Variants in SGCZ observed in about 807,000 individuals in gnomAD.
The protein encoded by SGCZ is zeta-sarcoglycan.
Under a neutral mutation model 41.3 loss-of-function variants are expected in SGCZ, and 40 were observed. The observed-to-expected ratio is 0.97, with a 90% confidence interval of 0.75 to 1.26. The LOEUF is 1.26. Ranked by LOEUF, SGCZ falls within the 50% of genes most tolerant of loss-of-function variation. The pLI, the probability that SGCZ is intolerant of heterozygous loss-of-function variation, is 0.00. For synonymous variants in SGCZ, 206 were observed against 137.5 expected (o/e 1.50, Z -3.49); for missense variants, 552 against 369.8 (o/e 1.49, Z -4.04).
At chr8:14,833,697 T>C (rs1802604548) in intron 1 of SGCZ, among the ~76,000 whole-genome samples, 1 of 152,206 alleles carries the variant, frequency 6.6e-6, no homozygotes, top group Non-Finnish European at 1.5e-5. Flanking sequence ...CTTTCTATTT[T>C]TCTGCTATAG....
At chr8:14,423,824 TTCTC>T (rs1466787505) in intron 2 of SGCZ, among the ~76,000 whole-genome samples, 1 of 152,170 alleles carries the variant, frequency 6.6e-6, no homozygotes, top group Non-Finnish European at 1.5e-5. Context: ...CTCATTTACT[TTCTC>T]TCTCATTTTT....
intron 5 of SGCZ, among the ~76,000 whole-genome samples, chr8:14,160,939 C>T (rs548453203): frequency 6.6e-6 from 1 of 152,256 alleles, no homozygotes; most frequent in African/African-American, 2.4e-5. Context: ...AATGGCATTG[C>T]TCAAAAAATA....
At chr8:15,031,326 TAA>T (rs1803654202) in intron 1 of SGCZ, among the ~76,000 whole-genome samples, 1 of 152,046 alleles carries the variant, frequency 6.6e-6, no homozygotes. Context: ...GGCCTTGAGG[TAA>T]AGAGTGGTGT....
intron 2 of SGCZ, among the ~76,000 whole-genome samples, chr8:14,540,062 G>C (rs377279730): frequency 6.6e-5 from 10 of 151,886 alleles, no homozygotes; most frequent in African/African-American, 1.9e-4. Context: ...AAAATTCAAG[G>C]GAAATCCAGA....
chr8:15,003,172 A>C (rs56263802), intron 1 of SGCZ, among the ~76,000 whole-genome samples: 30,865 of 152,062 alleles, frequency 0.2, 3,199 homozygotes, highest in East Asian at 0.32. Context: ...GATTTCTGCC[A>C]AGAGATAATT....
intron 3 of SGCZ, among the ~76,000 whole-genome samples, chr8:14,241,709 A>C (rs2117180484): frequency 6.6e-6 from 1 of 152,184 alleles, no homozygotes; most frequent in East Asian, 1.9e-4. Flanking sequence ...CACTCTTTAG[A>C]CAAAGCAGAT....
At chr8:14,395,008 T>C (rs1382018523) in intron 2 of SGCZ, among the ~76,000 whole-genome samples, 1 of 152,196 alleles carries the variant, frequency 6.6e-6, no homozygotes, top group East Asian at 1.9e-4. Flanking sequence ...GTTTCCTAAA[T>C]TGTAAAACTG....
intron 1 of SGCZ, among the ~76,000 whole-genome samples, chr8:15,004,519 G>C (rs1368385758): frequency 6.6e-6 from 1 of 152,168 alleles, no homozygotes; most frequent in Non-Finnish European, 1.5e-5. Context: ...GAAAAAATCT[G>C]ACATCATAAA....
chr8:14,382,976 C>T (rs117443425), intron 2 of SGCZ, among the ~76,000 whole-genome samples: 1 of 152,204 alleles, frequency 6.6e-6, no homozygotes, highest in East Asian at 1.9e-4. Flanking sequence ...CTGCTCTGTC[C>T]CCTGAGAGAA....
At chr8:14,092,589 G>T (rs1303142834) in intron 7 of SGCZ, among the ~76,000 whole-genome samples, 1 of 151,904 alleles carries the variant, frequency 6.6e-6, no homozygotes, top group Admixed American at 6.6e-5. Flanking sequence ...TAAATCATGG[G>T]GGCAGTTTCC....
intron 2 of SGCZ, among the ~76,000 whole-genome samples, chr8:14,329,752 C>T (rs899901276): frequency 1.4e-4 from 22 of 152,264 alleles, no homozygotes; most frequent in African/African-American, 5.3e-4. Flanking sequence ...CAACCCCCTC[C>T]TTTAGAATGA....
chr8:15,019,091 C>T (rs990317150), intron 1 of SGCZ, among the ~76,000 whole-genome samples: 1 of 152,202 alleles, frequency 6.6e-6, no homozygotes, highest in Non-Finnish European at 1.5e-5. Context: ...CTCCATGATC[C>T]AATTACCTCC....
rs1801661022 is a variant in SGCZ at position 14,090,611 on chromosome 8, C to T, written c.771G>A (p.Lys257=). ...AGGAGCCAGTTGGTAGATTTCCCAG[C>T]TTGATTGTCTCTGCATTTAAAAATA... ...GEIFLNAETI[K]LGNLPTGSFS... Residue 257 remains lysine, a synonymous_variant, in exon 8 of 8, where the codon AAG becomes AAA. Coordinates refer to ENST00000382080, the MANE Select transcript of SGCZ (RefSeq NM_139167.4). 6.2e-7 allele frequency: 1 copy of T among 1,611,606 alleles called. No individual in the cohort carries two copies. The highest frequency in any genetic ancestry group is 1.3e-5 in the African/African-American group (1 of 74,850).
intron 1 of SGCZ, among the ~76,000 whole-genome samples, chr8:14,699,783 T>C (rs1298757179): frequency 1.3e-5 from 2 of 151,002 alleles, no homozygotes; most frequent in African/African-American, 4.9e-5. Context: ...AAAAACAAAA[T>C]TACCACAAAA....
intron 1 of SGCZ, among the ~76,000 whole-genome samples, chr8:14,562,106 G>A (rs928899468): frequency 2.6e-5 from 4 of 152,084 alleles, no homozygotes; most frequent in Non-Finnish European, 5.9e-5. Flanking sequence ...AATAACTAGG[G>A]TAGCAGAGAC....
chr8:15,168,466 C>T (rs576757896), intron 1 of SGCZ, among the ~76,000 whole-genome samples: 1 of 152,202 alleles, frequency 6.6e-6, no homozygotes. Context: ...CTAGCTCCCC[C>T]CACAACCCAA....
intron 1 of SGCZ, among the ~76,000 whole-genome samples, chr8:15,235,796 TCA>T (rs1476244573): frequency 2.8e-4 from 43 of 152,328 alleles, no homozygotes; most frequent in Non-Finnish European, 5.7e-4. Context: ...CTCTTCTGTG[TCA>T]TACCCTAAAG....
chr8:14,346,712 A>G (rs577586523), intron 2 of SGCZ, among the ~76,000 whole-genome samples: 3 of 152,198 alleles, frequency 2.0e-5, no homozygotes, highest in Admixed American at 6.5e-5. Flanking sequence ...TTGAGTTGAA[A>G]TATAAAATCA....
In SGCZ at chr8:14,108,208, G is replaced by A. The variant is rs1585141063; in HGVS notation, c.575C>T (p.Ser192Phe). 1 of 1,614,120 alleles carries A rather than the reference G, an allele frequency of 6.2e-7. No individual in the cohort carries two copies. The highest frequency in any genetic ancestry group is 8.5e-7 in the Non-Finnish European group (1 of 1,180,006). ...TGTEGAVFGH[S>F]VETPHIRAEP... Reference sequence around the variant, plus strand: ...TGCTCTGATGTGCGGCGTCTCCACAGAGTGCCCAAATACGGCTCCTTCAGT... The same window carrying A: ...TGCTCTGATGTGCGGCGTCTCCACAAAGTGCCCAAATACGGCTCCTTCAGT... The change falls in exon 6 of 8, where the codon TCT becomes TTT. Residue 192 changes from serine (S) to phenylalanine (F), a missense_variant. Physicochemically the swap from Ser to Phe is radical, Grantham distance 155. Transcript: ENST00000382080.
Sources: gnomAD v4.1 joint callset for allele counts (sites outside exome capture counted in the v4.1 genomes callset) on GRCh38, gnomAD v4.1.1 for gene constraint, MANE v1.5 for transcripts, NCBI Gene and HGNC (gene_info 2026-07-23, HGNC 2026-07-21) for gene names.